Variants in KANK1 observed in about 807,000 individuals in gnomAD.
KANK1 encodes KN motif and ankyrin repeat domain-containing protein 1.
A neutral mutation model predicts 106.2 loss-of-function variants in KANK1; 109 were observed. The observed-to-expected ratio is 1.03, with a 90% CI of 0.88 to 1.20. The LOEUF (loss-of-function observed/expected upper bound fraction) is 1.20. Ranked by LOEUF, KANK1 falls within the 50% of genes most tolerant of loss-of-function variation. The pLI, the probability that KANK1 is intolerant of heterozygous loss-of-function variation, is 0.00. For synonymous variants in KANK1, 873 were observed against 652.2 expected (o/e 1.34, Z -5.16); for missense variants, 2,399 against 1,710.7 (o/e 1.40, Z -7.10).
At chr9:629,892 C>A (rs191287338) in intron 1 of KANK1, among the ~76,000 whole-genome samples, 1 of 152,178 alleles carries the variant, frequency 6.6e-6, no homozygotes, top group Admixed American at 6.5e-5. Flanking sequence ...CACTGTACTA[C>A]GCACTTTGTT....
At chr9:480,155 G>C (rs1382153787) in intron 3 of KANK1, among the ~76,000 whole-genome samples, 1 of 152,214 alleles carries the variant, frequency 6.6e-6, no homozygotes. Flanking sequence ...CTGCTGTACA[G>C]CATAAAGCTG....
chr9:654,143 C>A (rs1008576013), intron 1 of KANK1, among the ~76,000 whole-genome samples: 27 of 152,252 alleles, frequency 1.8e-4, no homozygotes, highest in Middle Eastern at 3.4e-3. Context: ...TGACCACATG[C>A]AGCAGTTAAC....
chr9:513,159 T>C (rs2059110748), intron 1 of KANK1, among the ~76,000 whole-genome samples: 1 of 152,242 alleles, frequency 6.6e-6, no homozygotes, highest in African/African-American at 2.4e-5. Context: ...ATTTGACACT[T>C]TTTATTTTTT....
intron 1 of KANK1, among the ~76,000 whole-genome samples, chr9:533,509 A>G (rs1352028540): frequency 1.3e-5 from 2 of 152,302 alleles, no homozygotes; most frequent in South Asian, 2.1e-4. Context: ...AAAATGGAAA[A>G]TTGTTTATAT....
chr9:560,586 A>G (rs1816145295), intron 1 of KANK1, among the ~76,000 whole-genome samples: 1 of 152,222 alleles, frequency 6.6e-6, no homozygotes, highest in Non-Finnish European at 1.5e-5. Context: ...TTCACTTTGT[A>G]TTTTTAACAT....
chr9:507,520 G>T (rs1250717975), intron 1 of KANK1, among the ~76,000 whole-genome samples: 1 of 151,440 alleles, frequency 6.6e-6, no homozygotes, highest in Admixed American at 6.6e-5. Flanking sequence ...CTCCCAAGTA[G>T]CTGGGATTAC....
intron 3 of KANK1, among the ~76,000 whole-genome samples, chr9:482,714 T>G (rs1049129922): frequency 4.6e-5 from 7 of 152,268 alleles, no homozygotes; most frequent in Non-Finnish European, 1.0e-4. Context: ...CCTGCTGGCC[T>G]ATCATTGGAT....
chr9:523,345 C>T (rs1395251949), intron 1 of KANK1, among the ~76,000 whole-genome samples: 1 of 151,760 alleles, frequency 6.6e-6, no homozygotes, highest in Non-Finnish European at 1.5e-5. Flanking sequence ...TCCTGTTTCA[C>T]CTTCAAATAT....
chr9:738,282 C>G lies in KANK1; in HGVS notation c.3334-3C>G. On this transcript the variant is annotated splice_region_variant and splice_polypyrimidine_tract_variant and intron_variant, in intron 7 of 11. Transcript: ENST00000382297. The stretch of plus-strand genomic sequence containing the variant: ...AACTAACGACCACTTGGTGTTTTGG[C>G]AGAGGTTCTGTCTGAACACCCTCCA... The G allele has an allele frequency of 6.2e-7, 1 of 1,609,086 alleles. No individual in the cohort carries two copies. Among genetic ancestry groups the G allele is most frequent in the Non-Finnish European group, 8.5e-7 (1 of 1,177,450 alleles).
At chr9:743,013 C>T (rs1464328843) in intron 10 of KANK1, among the ~76,000 whole-genome samples, 1 of 152,184 alleles carries the variant, frequency 6.6e-6, no homozygotes, top group East Asian at 1.9e-4. Context: ...CAGATAACTC[C>T]TTGACCGGGA....
At chr9:617,419 A>T (rs1400422910) in intron 1 of KANK1, among the ~76,000 whole-genome samples, 1 of 152,196 alleles carries the variant, frequency 6.6e-6, no homozygotes, top group Admixed American at 6.5e-5. Context: ...TTTTCTCAAA[A>T]ATGTTAGCTC....
intron 1 of KANK1, among the ~76,000 whole-genome samples, chr9:527,377 C>T (rs1250461319): frequency 2.0e-5 from 3 of 151,852 alleles, no homozygotes; most frequent in Non-Finnish European, 2.9e-5. Flanking sequence ...TCTTGGCTCG[C>T]GGCAGCCTAC....
At position 740,924 on chromosome 9, in the gene KANK1, A is replaced by T. The variant is rs1236549603; in HGVS notation, c.3686A>T (p.Lys1229Ile). The change falls in exon 9 of 12, where the codon AAA becomes ATA. Residue 1229 changes from lysine to isoleucine, a missense_variant. Transcript: ENST00000382297. Reference sequence around the variant, plus strand: ...TTCGGCTGTGGGGATGTGAATGCCAAAGCTAGTCAGGTTAGTGCGCCTGGT... The same window carrying T: ...TTCGGCTGTGGGGATGTGAATGCCATAGCTAGTCAGGTTAGTGCGCCTGGT... Reference protein sequence around the residue: ...ELFGCGDVNAKASQAGQTALM... With the variant: ...ELFGCGDVNAIASQAGQTALM... 6.2e-7 allele frequency: 1 copy of T among 1,614,202 alleles called. No individual in the cohort carries two copies. Among genetic ancestry groups the T allele is most frequent in the Non-Finnish European group, 8.5e-7 (1 of 1,180,032 alleles).
At chr9:543,631 C>T (rs10975061) in intron 1 of KANK1, among the ~76,000 whole-genome samples, 45,923 of 151,570 alleles carry the variant, frequency 0.3, 8,518 homozygotes, top group East Asian at 0.75. Context: ...TGTCCTTCTA[C>T]GGAAGTCAGT....
rs1402719070 is a variant in KANK1, at chr9:544,960, G to A, written c.-84+40206G>A. 2.6e-5 allele frequency among the ~76,000 whole-genome samples: 4 copies of A among 152,162 alleles called. No individual in the cohort carries two copies. The East Asian group carries it at 5.8e-4, about 22-fold the overall frequency. ...AGGAATCCCTCCAGCTTGGGTATGT[G>A]AGGATGGCCTGAGAACGGAGGCACC... On this transcript the variant is annotated intron_variant, in intron 1 of 11. Transcript: ENST00000382297.
chr9:678,708 A>G (rs932391212), intron 2 of KANK1, among the ~76,000 whole-genome samples: 1 of 152,226 alleles, frequency 6.6e-6, no homozygotes, highest in Non-Finnish European at 1.5e-5. Flanking sequence ...CCTGAGTGAC[A>G]GAGTGAGACT....
chr9:632,527 C>T (rs143078082), intron 1 of KANK1, among the ~76,000 whole-genome samples: 4 of 152,228 alleles, frequency 2.6e-5, no homozygotes, highest in African/African-American at 9.6e-5. Context: ...AATAAAGCAG[C>T]TTGTAATTTT....
intron 1 of KANK1, among the ~76,000 whole-genome samples, chr9:660,696 C>T (rs1046980251): frequency 3.9e-5 from 6 of 152,234 alleles, no homozygotes; most frequent in Admixed American, 6.5e-5. Flanking sequence ...TGTCACCACC[C>T]GAACAATCCT....
chr9:505,822 C>T (rs867644369), intron 1 of KANK1, among the ~76,000 whole-genome samples: 2 of 152,204 alleles, frequency 1.3e-5, no homozygotes, highest in African/African-American at 2.4e-5. Flanking sequence ...CGTGCAGTTC[C>T]TTTCCTCACC....
Sources: gnomAD v4.1 joint callset for allele counts (sites outside exome capture counted in the v4.1 genomes callset) on GRCh38, gnomAD v4.1.1 for gene constraint, MANE v1.5 for transcripts, NCBI Gene and HGNC (gene_info 2026-07-23, HGNC 2026-07-21) for gene names.